RSPH14: variants seen among roughly 807,000 people sequenced by gnomAD.
RSPH14 encodes the protein radial spoke head 14 homolog.
A neutral mutation model predicts 26.7 loss-of-function variants in RSPH14; 20 were observed. The observed-to-expected ratio is 0.75, with a 90% CI of 0.53 to 1.09. RSPH14 has a LOEUF of 1.09. Ranked by LOEUF, RSPH14 falls within the 50% of genes least tolerant of loss-of-function variation. The pLI, the probability that RSPH14 is intolerant of heterozygous loss-of-function variation, is 0.00. For synonymous variants in RSPH14, 177 were observed against 189.3 expected (o/e 0.93, Z 0.53); for missense variants, 449 against 457.2 (o/e 0.98, Z 0.16).
the RSPH14 span, chr22:23,179,792 T>C: frequency 2.3e-3 from 474 of 203,766 alleles, 4 homozygotes; most frequent in African/African-American, 0.01. Context: ...AGCCTGGCCC[T>C]CCCTGCCTTG....
chr22:23,155,962 T>TCACAGCTGGGA, the RSPH14 span: 5 of 1,608,968 alleles, frequency 3.1e-6, no homozygotes, highest in Non-Finnish European at 4.2e-6. Flanking sequence ...CTCACCCACC[T>TCACAGCTGGGA]CACAGCTGGG....
At chr22:23,114,320 G>A (rs929776019) in intron 4 of RSPH14, among the ~76,000 whole-genome samples, 30 of 152,240 alleles carry the variant, frequency 2.0e-4, no homozygotes, top group African/African-American at 6.8e-4. Flanking sequence ...GAGCTTCTCA[G>A]TCTGTAACAG....
intron 4 of RSPH14, among the ~76,000 whole-genome samples, chr22:23,098,833 C>T (rs1412158847): frequency 3.9e-5 from 6 of 152,318 alleles, no homozygotes; most frequent in South Asian, 4.1e-4. Context: ...AGAGTGGTGC[C>T]GGCAGTGAGG....
intron 4 of RSPH14, among the ~76,000 whole-genome samples, chr22:23,099,465 C>A (rs1453326791): frequency 6.6e-6 from 1 of 152,272 alleles, no homozygotes; most frequent in Non-Finnish European, 1.5e-5. Flanking sequence ...CACAGGAGGC[C>A]TGAACACAGC....
chr22:23,179,073 C>T, the RSPH14 span, among the ~76,000 whole-genome samples: 1 of 152,212 alleles, frequency 6.6e-6, no homozygotes, highest in African/African-American at 2.4e-5. Context: ...GTCACACAGC[C>T]AGGAGTCGGC....
chr22:23,115,420 G>C (rs556117295), intron 4 of RSPH14, among the ~76,000 whole-genome samples: 28 of 152,328 alleles, frequency 1.8e-4, no homozygotes, highest in African/African-American at 6.5e-4. Flanking sequence ...AAGGGTCAGG[G>C]TTTGGGAAGG....
chr22:23,060,850 G>A (rs961345261), intron 6 of RSPH14, among the ~76,000 whole-genome samples: 1 of 152,186 alleles, frequency 6.6e-6, no homozygotes, highest in African/African-American at 2.4e-5. Flanking sequence ...TTGGGAATAA[G>A]TGGCCTCATC....
At chr22:23,136,182 C>G (rs1386046616) in intron 3 of RSPH14, 2 of 691,428 alleles carry the variant, frequency 2.9e-6, no homozygotes, top group East Asian at 5.4e-5. Flanking sequence ...TGTGCCTCCT[C>G]ACCAGAGGCA....
intron 4 of RSPH14, among the ~76,000 whole-genome samples, chr22:23,089,997 T>G (rs1327457244): frequency 2.6e-5 from 4 of 152,172 alleles, no homozygotes; most frequent in Non-Finnish European, 5.9e-5. Flanking sequence ...CCTGGCCCTA[T>G]GTCGCACTAA....
intron 4 of RSPH14, among the ~76,000 whole-genome samples, chr22:23,111,982 G>C (rs2146365068): frequency 6.6e-6 from 1 of 152,304 alleles, no homozygotes; most frequent in East Asian, 1.9e-4. Context: ...CCCATCCTTA[G>C]ACCAGTCCTC....
At chr22:23,083,043 GTT>G (rs1266190522) in intron 4 of RSPH14, among the ~76,000 whole-genome samples, 1 of 152,180 alleles carries the variant, frequency 6.6e-6, no homozygotes. Flanking sequence ...CTCCAGGGAA[GTT>G]GGGAGAGTGA....
intron 4 of RSPH14, among the ~76,000 whole-genome samples, chr22:23,066,869 A>G (rs1474773145): frequency 2.0e-5 from 3 of 152,148 alleles, no homozygotes. Context: ...GACAAGCAAC[A>G]TATGCCCACC....
intron 4 of RSPH14, among the ~76,000 whole-genome samples, chr22:23,065,052 C>T (rs1296372901): frequency 6.6e-6 from 1 of 152,196 alleles, no homozygotes; most frequent in African/African-American, 2.4e-5. Flanking sequence ...ACTGCAAAGC[C>T]ATCTACAGCC....
chr22:23,107,266 C>G (rs1022835817), intron 4 of RSPH14, among the ~76,000 whole-genome samples: 1 of 152,196 alleles, frequency 6.6e-6, no homozygotes, highest in African/African-American at 2.4e-5. Context: ...TGCCCTGGCC[C>G]CCATCCCAGA....
At chr22:23,090,666 C>T (rs1422783011) in intron 4 of RSPH14, among the ~76,000 whole-genome samples, 3 of 152,204 alleles carry the variant, frequency 2.0e-5, no homozygotes, top group Non-Finnish European at 4.4e-5. Context: ...CTGCTTGCCT[C>T]CCTCCTTCAC....
intron 4 of RSPH14, among the ~76,000 whole-genome samples, chr22:23,085,513 G>A (rs992737105): frequency 6.6e-6 from 1 of 152,230 alleles, no homozygotes; most frequent in Non-Finnish European, 1.5e-5. Context: ...TAGGAGCAAC[G>A]GGAGAAGCAG....
chr22:23,080,393 C>T (rs950308034), intron 4 of RSPH14, among the ~76,000 whole-genome samples: 1 of 148,612 alleles, frequency 6.7e-6, no homozygotes, highest in Non-Finnish European at 1.5e-5. Flanking sequence ...ATCTCCCCTT[C>T]CTTTAGCAGA....
the RSPH14 span, among the ~76,000 whole-genome samples, chr22:23,170,474 C>A: frequency 1.3e-5 from 2 of 152,022 alleles, no homozygotes; most frequent in African/African-American, 4.8e-5. Flanking sequence ...CCCAGCCAGG[C>A]ACAGTGGCTC....
chr22:23,161,301 C>A, the RSPH14 span, among the ~76,000 whole-genome samples: 1 of 152,202 alleles, frequency 6.6e-6, no homozygotes, highest in Non-Finnish European at 1.5e-5. Flanking sequence ...CTGGCCCCGG[C>A]TCTCCCAGTC....
Sources: allele counts gnomAD v4.1 joint callset (sites outside exome capture counted in the v4.1 genomes callset), GRCh38; gene constraint gnomAD v4.1.1; transcripts MANE v1.5; gene names NCBI Gene and HGNC (gene_info 2026-07-23, HGNC 2026-07-21).